LIN9: variants seen among roughly 807,000 people sequenced by gnomAD.
LIN9 encodes protein lin-9 homolog.
Under a neutral mutation model 78.0 loss-of-function variants are expected in LIN9, and 18 were observed. The ratio of observed to expected loss-of-function variants is 0.23; its 90% CI spans 0.16 to 0.34. The LOEUF is 0.34. LIN9 is among the 10% of genes least tolerant of loss of function. The pLI is 1.00. For synonymous variants in LIN9, 192 were observed against 215.2 expected (o/e 0.89, Z 0.94); for missense variants, 451 against 644.1 (o/e 0.70, Z 3.25).
chr1:226,233,512 G>C lies in LIN9; in HGVS notation c.1257C>G (p.Asp419Glu). The C allele has an allele frequency of 6.2e-7, 1 of 1,612,948 alleles. No homozygotes were observed. The highest frequency in any genetic ancestry group is 8.5e-7 in the Non-Finnish European group (1 of 1,179,652). Residue 419 changes from aspartate (D) to glutamate (E), a missense_variant, in exon 13 of 15, where the codon GAC (aspartate) becomes GAG (glutamate). By Grantham distance (45) the Asp-to-Glu change is conservative. Coordinates refer to ENST00000681046, the MANE Select transcript of LIN9 (RefSeq NM_001366245.2). ...GCTGATCTGCAGGCTGGAGCCCCTG[G>C]TCTGGAGCAAGCTGAATACAGATGA... ...VQQYCYELAPDQGLQPADQPT... is the reference protein window; with the variant it reads ...VQQYCYELAPEQGLQPADQPT...
Position 226,265,381 on chromosome 1 carries a change from TAAC to T in LIN9, c.1038+149_1038+151del. The T allele has an allele frequency of 2.2e-6, 1 of 445,552 alleles. No homozygotes were observed. The highest frequency in any genetic ancestry group is 3.9e-5 in the Admixed American group (1 of 25,548). 27.6% of individuals were successfully genotyped at this position (445,552 alleles called of 1,614,324 possible). On this transcript the variant is annotated intron_variant, in intron 10 of 14. Coordinates refer to ENST00000681046, the MANE Select transcript of LIN9 (RefSeq NM_001366245.2). This position sits in a 1 kb window ranked among gnomAD's most constrained non-coding sequence, Gnocchi z 4.1. ...ATCTTTAAGTCTTTTTTGGTTTTTA[TAAC>T]TTTTATTTTCAGGCTTTGTTGGAAA...
At chr1:226,291,231 G>A (rs67440774) in intron 4 of LIN9, among the ~76,000 whole-genome samples, 9 of 151,886 alleles carry the variant, frequency 5.9e-5, no homozygotes, top group Admixed American at 2.0e-4. Context: ...AAAAATTTAC[G>A]AACAATTTAA....
rs1337298266 is a variant in LIN9 at position 226,265,134 on chromosome 1, T to G, written c.1038+399A>C. On this transcript the variant is annotated intron_variant, in intron 10 of 14. Transcript: ENST00000681046. This position sits in a 1 kb window ranked among gnomAD's most constrained non-coding sequence, Gnocchi z 4.1. ...CCTGTTTCTAGTCTCTGAAAAGAAA[T>G]AAAATTTCTTCTAACCATATAAGCT... Among the ~76,000 whole-genome samples the G allele has an allele frequency of 6.6e-6, 1 of 152,168 alleles. No individual in the cohort carries two copies. Among genetic ancestry groups the G allele is most frequent in the Non-Finnish European group, 1.5e-5 (1 of 68,016 alleles).
chr1:226,272,418 C>T, intron 7 of LIN9, among the ~76,000 whole-genome samples: 1 of 145,508 alleles, frequency 6.9e-6, no homozygotes, highest in East Asian at 2.1e-4. Flanking sequence ...CTAGCTGTGT[C>T]ACCCAAACTG....
At chr1:226,302,820 CAGAT>C (rs1662647832) in intron 1 of LIN9, among the ~76,000 whole-genome samples, 1 of 152,190 alleles carries the variant, frequency 6.6e-6, no homozygotes, top group Non-Finnish European at 1.5e-5. Flanking sequence ...TGAGAAGCAA[CAGAT>C]AAAGTATGGC....
At chr1:226,277,519 C>G (rs1660744197) in intron 7 of LIN9, among the ~76,000 whole-genome samples, 2 of 152,170 alleles carry the variant, frequency 1.3e-5, no homozygotes, top group Non-Finnish European at 2.9e-5. Flanking sequence ...CGTGTAAACA[C>G]ATTCTAGTGA....
rs567185636 is a variant in LIN9, at chr1:226,241,651, G to T, written c.1120-2555C>A. Among the ~76,000 whole-genome samples, 6 of 152,292 alleles carry T rather than the reference G, an allele frequency of 3.9e-5. No homozygotes were observed. The South Asian group carries it at 1.2e-3, about 32-fold the overall frequency. ...AGGCGGGTGGATCACGAGGTCAGGA[G>T]ATCGAGACCATCCTGGCTAACACGG... is the stretch of plus-strand genomic sequence containing the variant. On this transcript the variant is annotated intron_variant, in intron 11 of 14. Coordinates refer to ENST00000681046, the MANE Select transcript of LIN9 (RefSeq NM_001366245.2).
chr1:226,293,781 C>G (rs938118834), intron 4 of LIN9, among the ~76,000 whole-genome samples: 1 of 152,190 alleles, frequency 6.6e-6, no homozygotes, highest in South Asian at 2.1e-4. Context: ...TCGTCTCAAA[C>G]TCCTGACATC....
At position 226,265,448 on chromosome 1, in the gene LIN9, G is replaced by A. The variant is rs1307121308; in HGVS notation, c.1038+85C>T. 2.9e-6 allele frequency: 2 copies of A among 698,338 alleles called. No homozygotes were observed. The highest frequency in any genetic ancestry group is 4.9e-6 in the Non-Finnish European group (2 of 409,368). The allele number at this position is 698,338 out of a possible 1,614,324, so 43.3% of individuals were successfully genotyped here. On this transcript the variant is annotated intron_variant, in intron 10 of 14. Coordinates refer to ENST00000681046, the MANE Select transcript of LIN9 (RefSeq NM_001366245.2). The surrounding 1 kb of genome is among the most constrained non-coding windows in gnomAD (Gnocchi z 4.1). ...AACCTACACGGTGATAAACCTACAC[G>A]GCCCTAGAAAAATTTTCAACTTTAA...
chr1:226,252,087 G>A (rs180752020), intron 10 of LIN9, among the ~76,000 whole-genome samples: 18 of 152,066 alleles, frequency 1.2e-4, no homozygotes, highest in South Asian at 2.1e-4. Context: ...AGCTGGGATC[G>A]TGAGTCTAGG....
Position 226,231,172 on chromosome 1 carries a change from AATTT to A in LIN9, c.*1325_*1328del, listed in dbSNP as rs1376711600. The A allele has an allele frequency of 1.3e-5, 2 of 152,578 alleles. No individual in the cohort carries two copies. Among genetic ancestry groups the A allele is most frequent in the African/African-American group, 4.8e-5 (2 of 41,468 alleles). The allele number at this position is 152,578 out of a possible 1,614,324, so 9.5% of individuals were successfully genotyped here. A position where few individuals can be genotyped will look rare whatever the true frequency, so the allele number is the denominator to read the frequency against. ...TAGAAAATAATAATTTTCATAGATCAATTTATTTAGAATTACAAATATTAAGAAT... is the reference window on the plus strand; with the variant it reads ...TAGAAAATAATAATTTTCATAGATCAATTTAGAATTACAAATATTAAGAAT... On this transcript the variant is annotated 3_prime_UTR_variant, in exon 15 of 15. Transcript: ENST00000681046.
intron 2 of LIN9, among the ~76,000 whole-genome samples, chr1:226,300,561 TAAAC>T (rs938082104): frequency 3.0e-4 from 45 of 151,340 alleles, no homozygotes; most frequent in African/African-American, 9.5e-4. Flanking sequence ...AAAAAATAAA[TAAAC>T]AAAAAATCTG....
At chr1:226,292,551 G>A (rs902114401) in intron 4 of LIN9, among the ~76,000 whole-genome samples, 4 of 152,064 alleles carry the variant, frequency 2.6e-5, no homozygotes, top group South Asian at 2.1e-4. Context: ...CAATCTCCTG[G>A]GCTGAAGTGA....
Position 226,265,917 on chromosome 1 carries a change from T to C in LIN9, c.937-283A>G, listed in dbSNP as rs4418563. Among the ~76,000 whole-genome samples, 102,338 of 151,706 alleles carry C rather than the reference T, an allele frequency of 0.67. 34,647 individuals carry two copies. The highest frequency in any genetic ancestry group is 0.71 in the East Asian group (3,652 of 5,152). ...TGGTCTCGAACTCCTGACCTCGTGA[T>C]CCGCCTGCCTCAGCCTCCCAAAGTG... On this transcript the variant is annotated intron_variant, in intron 9 of 14. Coordinates refer to ENST00000681046, the MANE Select transcript of LIN9 (RefSeq NM_001366245.2). This position sits in a 1 kb window ranked among gnomAD's most constrained non-coding sequence, Gnocchi z 4.1.
chr1:226,293,649 G>A (rs766887350), intron 4 of LIN9, among the ~76,000 whole-genome samples: 8 of 151,976 alleles, frequency 5.3e-5, no homozygotes, highest in Admixed American at 2.6e-4. Context: ...CTGTGATCTC[G>A]GCTCACTGCA....
intron 14 of LIN9, 102 bp downstream of exon 14, chr1:226,232,994 T>A: frequency 1.5e-6 from 1 of 658,526 alleles, no homozygotes. Context: ...TAACGGATAA[T>A]AATATATGAG....
In LIN9 at chr1:226,295,843, T is replaced by C. The variant is rs1662114778; in HGVS notation, c.263A>G (p.Gln88Arg). 2 of 1,601,302 alleles carry C rather than the reference T, an allele frequency of 1.2e-6. No homozygotes were observed. The highest frequency in any genetic ancestry group is 1.7e-5 in the Admixed American group (1 of 59,126). The change falls in exon 4 of 15, where the codon CAG becomes CGG. Residue 88 changes from glutamine to arginine, a missense_variant and splice_region_variant. Coordinates refer to ENST00000681046, the MANE Select transcript of LIN9 (RefSeq NM_001366245.2). ...AACAAAATTTTAGCACACACATACC[T>C]GTGGAACCATTGCAACCCTCTGGTT... is the stretch of plus-strand genomic sequence containing the variant. ...KRNQRVAMVP[Q>R]KFTATMSTPD... is the part of the protein sequence containing the mutation.
chr1:226,273,160 T>G (rs1421734285), intron 7 of LIN9, among the ~76,000 whole-genome samples: 2 of 152,054 alleles, frequency 1.3e-5, no homozygotes, highest in African/African-American at 4.8e-5. Context: ...TGGCCAGACT[T>G]AAGTCTACCA....
At chr1:226,234,265 G>A (rs1657541421) in intron 12 of LIN9, among the ~76,000 whole-genome samples, 1 of 152,186 alleles carries the variant, frequency 6.6e-6, no homozygotes, top group African/African-American at 2.4e-5. Flanking sequence ...ATCTGTTGAT[G>A]ATTCTTGTCT....
Sources: gnomAD v4.1 joint callset for allele counts (sites outside exome capture counted in the v4.1 genomes callset) on GRCh38, gnomAD v4.1.1 for gene constraint, Gnocchi (gnomAD v3.1) non-coding constraint, MANE v1.5 for transcripts, NCBI Gene and HGNC (gene_info 2026-07-23, HGNC 2026-07-21) for gene names.